Variants in RAPGEF6 observed in about 807,000 individuals in gnomAD.
RAPGEF6 encodes the protein Rap guanine nucleotide exchange factor 6, also known as PDZ domain containing guanine nucleotide exchange factor (GEF) 2.
Under a neutral mutation model 171.4 loss-of-function variants are expected in RAPGEF6, and 56 were observed. The ratio of observed to expected loss-of-function variants is 0.33; its 90% CI spans 0.26 to 0.41. The LOEUF is 0.41. Among genes scored for constraint, RAPGEF6 ranks in the 10% least tolerant of loss-of-function variants. The pLI is 1.00. For missense variants in RAPGEF6, 1,674 were observed against 1,921.4 expected (o/e 0.87, Z 2.41); for synonymous variants, 692 against 650.1 (o/e 1.06, Z -0.98).
chr5:131,553,497 A>C (rs1004443664), intron 5 of RAPGEF6, among the ~76,000 whole-genome samples: 1 of 152,268 alleles, frequency 6.6e-6, no homozygotes, highest in African/African-American at 2.4e-5. Flanking sequence ...CAGATGCTGG[A>C]ACTACCAGAG....
chr5:131,590,799 A>G (rs912657113), intron 4 of RAPGEF6, among the ~76,000 whole-genome samples: 5 of 152,218 alleles, frequency 3.3e-5, no homozygotes, highest in African/African-American at 1.2e-4. Flanking sequence ...AAGGGCTATT[A>G]AAAGTCCTCA....
intron 21 of RAPGEF6, among the ~76,000 whole-genome samples, chr5:131,451,274 C>T (rs900923190): frequency 6.6e-6 from 1 of 152,034 alleles, no homozygotes; most frequent in Non-Finnish European, 1.5e-5. Context: ...ACCATCAGAT[C>T]AACTACTTGC....
intron 13 of RAPGEF6, among the ~76,000 whole-genome samples, chr5:131,494,216 C>T (rs567638444): frequency 6.6e-6 from 1 of 152,314 alleles, no homozygotes; most frequent in South Asian, 2.1e-4. Context: ...ACAAATCTAG[C>T]AAATGGTGGA....
intron 17 of RAPGEF6, among the ~76,000 whole-genome samples, chr5:131,467,801 G>A (rs561181694): frequency 6.6e-6 from 1 of 152,218 alleles, no homozygotes; most frequent in Non-Finnish European, 1.5e-5. Flanking sequence ...GGGGGCTGAG[G>A]TGGGCAGACC....
intron 1 of RAPGEF6, among the ~76,000 whole-genome samples, chr5:131,624,800 T>C (rs1362853084): frequency 1.3e-5 from 2 of 152,246 alleles, no homozygotes; most frequent in Non-Finnish European, 2.9e-5. Context: ...TGTATCATGA[T>C]ACACACAGTA....
chr5:131,514,855 A>G (rs531212181), intron 7 of RAPGEF6, among the ~76,000 whole-genome samples: 1 of 152,342 alleles, frequency 6.6e-6, no homozygotes, highest in Admixed American at 6.5e-5. Flanking sequence ...CTTTCAATTA[A>G]TTTATCCTAG....
chr5:131,528,313 T>TATATATATATA (rs1251388931), intron 6 of RAPGEF6, among the ~76,000 whole-genome samples: 1 of 48,846 alleles, frequency 2.0e-5, no homozygotes, highest in Non-Finnish European at 4.5e-5. Flanking sequence ...TATATTTATA[T>TATATATATATA]TATATATATA....
chr5:131,542,472 AG>A (rs1760216622), intron 6 of RAPGEF6, among the ~76,000 whole-genome samples: 1 of 152,214 alleles, frequency 6.6e-6, no homozygotes, highest in South Asian at 2.1e-4. Flanking sequence ...GCAAGCTGAC[AG>A]AACAGGCACT....
rs1273703739 is a variant in RAPGEF6 at position 131,510,454 on chromosome 5, C to T, written c.665G>A (p.Arg222His). The T allele has an allele frequency of 8.7e-6, 14 of 1,613,936 alleles. No individual in the cohort carries two copies. Among genetic ancestry groups the T allele is most frequent in the East Asian group, 2.2e-5 (1 of 44,876 alleles). The stretch of plus-strand genomic sequence containing the variant: ...AGAATCAACAGGTCCTTCTGGAAGA[C>T]GTGTCAAATCTACATCTCCTACCTC... Reference protein sequence around the residue: ...ESEVGDVDLTRLPEGPVDSED... With the variant: ...ESEVGDVDLTHLPEGPVDSED... The change falls in exon 8 of 28, where the codon CGT (arginine) becomes CAT (histidine). Residue 222 changes from arginine (R) to histidine (H), a missense_variant. Physicochemically the swap from Arg to His is conservative, Grantham distance 29. This residue lies in a region of RAPGEF6 where 1,116 missense variants were observed against 1,321.5 expected (regional missense o/e 0.84). Coordinates refer to ENST00000509018, the MANE Select transcript of RAPGEF6 (RefSeq NM_016340.6).
intron 6 of RAPGEF6, among the ~76,000 whole-genome samples, chr5:131,535,642 T>C (rs990485854): frequency 2.6e-5 from 4 of 152,164 alleles, no homozygotes; most frequent in African/African-American, 9.7e-5. Flanking sequence ...AATAGAGCAA[T>C]GTATGTTGAC....
rs772039118 is a variant in RAPGEF6 at position 131,498,479 on chromosome 5, T to C, written c.1383A>G (p.Leu461=). ...AGCTGTCGATCTTAAACCATTCCAA[T>C]AGTTTGATCCCAACATCCAAAGGAC... is the stretch of plus-strand genomic sequence containing the variant. ...LESPLDVGIK[L]LEWFKIDSLR... The change falls in exon 12 of 28, where the codon CTA becomes CTG. Residue 461 remains leucine (L), a synonymous_variant. Coordinates refer to ENST00000509018, the MANE Select transcript of RAPGEF6 (RefSeq NM_016340.6). The C allele has an allele frequency of 1.9e-6, 3 of 1,613,574 alleles. No individual in the cohort carries two copies. Among genetic ancestry groups the C allele is most frequent in the Non-Finnish European group, 2.5e-6 (3 of 1,179,788 alleles).
chr5:131,586,561 G>A (rs956004200), intron 4 of RAPGEF6, among the ~76,000 whole-genome samples: 1 of 152,148 alleles, frequency 6.6e-6, no homozygotes, highest in African/African-American at 2.4e-5. Context: ...AACCTGGGAG[G>A]TGGAGGTTGC....
intron 24 of RAPGEF6, chr5:131,435,985 G>A (rs890901277): frequency 7.8e-6 from 12 of 1,535,942 alleles, no homozygotes; most frequent in Middle Eastern, 1.7e-4. Flanking sequence ...CTTGAATCGC[G>A]TATAGAAGCA....
chr5:131,616,558 A>G (rs895745231), intron 1 of RAPGEF6, among the ~76,000 whole-genome samples: 1 of 152,204 alleles, frequency 6.6e-6, no homozygotes, highest in African/African-American at 2.4e-5. Flanking sequence ...GATGCTTAAA[A>G]AATTTTTGCA....
At chr5:131,451,763 A>G (rs1468333723) in intron 21 of RAPGEF6, among the ~76,000 whole-genome samples, 2 of 152,152 alleles carry the variant, frequency 1.3e-5, no homozygotes, top group Admixed American at 1.3e-4. Context: ...AATACCAAGT[A>G]TTTTTGTTTC....
intron 6 of RAPGEF6, among the ~76,000 whole-genome samples, chr5:131,545,934 C>T (rs1760495675): frequency 6.6e-6 from 1 of 152,154 alleles, no homozygotes; most frequent in Admixed American, 6.5e-5. Flanking sequence ...CTATACTTAG[C>T]GTTATCAAAC....
intron 3 of RAPGEF6, among the ~76,000 whole-genome samples, chr5:131,595,296 C>CT (rs2150006462): frequency 0.016 from 1 of 62 alleles, no homozygotes; most frequent in South Asian, 0.25. Flanking sequence ...GTCTCCTGCT[C>CT]ACCGTGGTAA....
chr5:131,445,493 C>CTCTGTGTGTGTG (rs1554070849), intron 22 of RAPGEF6, among the ~76,000 whole-genome samples: 4 of 147,224 alleles, frequency 2.7e-5, no homozygotes, highest in African/African-American at 1.0e-4. Flanking sequence ...AACTCACTCT[C>CTCTGTGTGTGTG]TGTGTGTGTG....
intron 5 of RAPGEF6, among the ~76,000 whole-genome samples, chr5:131,557,357 G>A (rs1033806672): frequency 9.9e-5 from 15 of 152,052 alleles, no homozygotes; most frequent in South Asian, 4.1e-4. Flanking sequence ...TAAATGGTAC[G>A]TTTATAAAAT....
Sources: allele counts gnomAD v4.1 joint callset (sites outside exome capture counted in the v4.1 genomes callset), GRCh38; gene constraint gnomAD v4.1.1; regional missense constraint gnomAD v4.1.1; transcripts MANE v1.5; gene names NCBI Gene and HGNC (gene_info 2026-07-23, HGNC 2026-07-21).